RBFOX1: variants seen among roughly 807,000 people sequenced by gnomAD.
The protein encoded by RBFOX1 is RNA binding fox-1 homolog 1.
RBFOX1 carries 8 observed loss-of-function variants against 57.7 expected under a neutral mutation model. The observed-to-expected ratio is 0.14, with a 90% confidence interval of 0.08 to 0.25. The LOEUF is 0.25. Among genes scored for constraint, RBFOX1 ranks in the 10% least tolerant of loss-of-function variants. RBFOX1 has a pLI of 1.00. For missense variants in RBFOX1, 611 were observed against 548.5 expected, an observed-to-expected ratio of 1.11 and a Z score of -1.14; for synonymous variants, 326 against 222.4, an observed-to-expected ratio of 1.47 and a Z score of -4.15.
intron 10 of RBFOX1, among the ~76,000 whole-genome samples, chr16:7,615,641 C>A (rs1361101338): frequency 6.6e-6 from 1 of 151,976 alleles, no homozygotes; most frequent in Non-Finnish European, 1.5e-5. Flanking sequence ...ATTAGTGATT[C>A]TTAATATGGA....
chr16:7,526,778 T>C (rs1241841314), intron 5 of RBFOX1, among the ~76,000 whole-genome samples: 4 of 152,188 alleles, frequency 2.6e-5, no homozygotes, highest in Admixed American at 2.0e-4. Context: ...CCCCACCACG[T>C]ATGAAGTGTT....
In RBFOX1 at chr16:5,641,967, G is replaced by A. The variant is rs1325255423; in HGVS notation, c.318+43006G>A. On this transcript the variant is annotated intron_variant, in intron 3 of 19. Transcript: ENST00000641259. The stretch of plus-strand genomic sequence containing the variant: ...GCAGATTCAGTTTCTACAGGTCTGA[G>A]GTGGGACTCGTGATTCTGGATCTCG... 2.0e-5 allele frequency among the ~76,000 whole-genome samples: 3 copies of A among 152,192 alleles called. No individual in the cohort carries two copies. The South Asian group carries it at 6.2e-4, about 32-fold the overall frequency.
At chr16:7,698,914 AG>A (rs1311777389) in intron 14 of RBFOX1, among the ~76,000 whole-genome samples, 48 of 152,324 alleles carry the variant, frequency 3.2e-4, no homozygotes, top group Non-Finnish European at 6.5e-4. Context: ...AAAGATGTCT[AG>A]ATAGTCTGAA....
Position 5,570,279 on chromosome 16 carries a change from T to A in RBFOX1, c.259-28623T>A, listed in dbSNP as rs543425126. Among the ~76,000 whole-genome samples the A allele has an allele frequency of 3.9e-5, 6 of 152,260 alleles. No individual in the cohort carries two copies. The East Asian group carries it at 9.7e-4, about 25-fold the overall frequency. On this transcript the variant is annotated intron_variant, in intron 2 of 2. Coordinates refer to the RBFOX1 transcript ENST00000585867. ...GGAAGGTATGGGTTCAAATCCTGTT[T>A]TTGTCATTTGCAAGCTGTGTTCCCT...
intron 3 of RBFOX1, among the ~76,000 whole-genome samples, chr16:5,690,852 T>C (rs2050655081): frequency 6.6e-6 from 1 of 152,162 alleles, no homozygotes; most frequent in Non-Finnish European, 1.5e-5. Flanking sequence ...TGTTTTTACA[T>C]GCCCAGTTTT....
chr16:7,140,157 C>CTCTCTCTCTCTCTCT (rs2073295791), intron 4 of RBFOX1, among the ~76,000 whole-genome samples: 5 of 70,888 alleles, frequency 7.1e-5, no homozygotes, highest in African/African-American at 2.4e-4. Context: ...TCCTTCTCTC[C>CTCTCTCTCTCTCTCT]CTCTCTCTCT....
intron 2 of RBFOX1, among the ~76,000 whole-genome samples, chr16:6,636,922 AT>A (rs1404103584): frequency 7.9e-6 from 1 of 125,984 alleles, no homozygotes; most frequent in Non-Finnish European, 1.6e-5. Context: ...ATATGTATAA[AT>A]TATGTATAAA....
intron 4 of RBFOX1, among the ~76,000 whole-genome samples, chr16:7,152,107 G>A (rs575994875): frequency 1.3e-5 from 2 of 152,204 alleles, no homozygotes; most frequent in East Asian, 3.9e-4. Flanking sequence ...CTCACACATG[G>A]GTTCCATATA....
At chr16:6,603,185 T>G (rs1238674602) in intron 2 of RBFOX1, among the ~76,000 whole-genome samples, 1 of 152,180 alleles carries the variant, frequency 6.6e-6, no homozygotes, top group Non-Finnish European at 1.5e-5. Context: ...CAGCATGCCT[T>G]AAGAACAAGA....
chr16:6,651,572 A>T (rs1329371617), intron 2 of RBFOX1, among the ~76,000 whole-genome samples: 1 of 152,204 alleles, frequency 6.6e-6, no homozygotes, highest in African/African-American at 2.4e-5. Context: ...GCCCATGAGG[A>T]TGTGGACAGA....
In RBFOX1 at chr16:6,326,199, ATTCC is replaced by A. The variant is rs1442107890; in HGVS notation, c.-64+9154_-64+9157del. On this transcript the variant is annotated intron_variant, in intron 2 of 15. Transcript: ENST00000550418. ...ACATGCTTATCTTGGTAATGCCATC[ATTCC>A]TTCCTTCCTTCATTCATTGATTCAT... Among the ~76,000 whole-genome samples, 11 of 152,352 alleles carry A rather than the reference ATTCC, an allele frequency of 7.2e-5. No homozygotes were observed. In the East Asian group the frequency reaches 7.7e-4, roughly 11 times the overall value.
chr16:7,027,989 G>A (rs78920558), intron 3 of RBFOX1, among the ~76,000 whole-genome samples: 2,403 of 151,900 alleles, frequency 0.016, 67 homozygotes, highest in African/African-American at 0.055. Flanking sequence ...AAGGACGAAA[G>A]GCAAGAAGGA....
At chr16:5,281,630 A>G (rs1253481753) in intron 1 of RBFOX1, among the ~76,000 whole-genome samples, 1 of 152,186 alleles carries the variant, frequency 6.6e-6, no homozygotes, top group Non-Finnish European at 1.5e-5. Flanking sequence ...ATGCATATTT[A>G]GAATTGTTAT....
At chr16:6,075,842 C>T (rs2095891390) in intron 1 of RBFOX1, among the ~76,000 whole-genome samples, 1 of 152,142 alleles carries the variant, frequency 6.6e-6, no homozygotes, top group Non-Finnish European at 1.5e-5. Flanking sequence ...CAATAATAAC[C>T]ACTGTTTATT....
chr16:5,240,614 G>C (rs1284950937), intron 1 of RBFOX1, among the ~76,000 whole-genome samples: 1 of 152,180 alleles, frequency 6.6e-6, no homozygotes, highest in East Asian at 1.9e-4. Context: ...TTCCCTTTCT[G>C]GTTGGGCAGC....
In RBFOX1 at chr16:6,481,747, C is replaced by G. The variant is rs76623836; in HGVS notation, c.-64+164690C>G. Among the ~76,000 whole-genome samples the G allele has an allele frequency of 5.5e-3, 841 of 152,198 alleles. 32 individuals carry two copies. The East Asian group carries it at 0.12, about 21-fold the overall frequency. The stretch of plus-strand genomic sequence containing the variant: ...AGGGAGTGGAGCATGTTCTTCATGG[C>G]ATCATTATTGTGAAATAAGGTTTTA... On this transcript the variant is annotated intron_variant, in intron 2 of 15. Coordinates refer to ENST00000550418, the MANE Select transcript of RBFOX1 (RefSeq NM_018723.4).
chr16:6,795,428 C>G (rs1016200261), intron 3 of RBFOX1, among the ~76,000 whole-genome samples: 1 of 151,246 alleles, frequency 6.6e-6, no homozygotes, highest in Non-Finnish European at 1.5e-5. Context: ...TAAATTAATT[C>G]CCATTTTTTT....
chr16:6,517,265 C>G (rs1171104008), intron 2 of RBFOX1, among the ~76,000 whole-genome samples: 1 of 152,152 alleles, frequency 6.6e-6, no homozygotes. Flanking sequence ...ACCCACAATT[C>G]TGCATATTCA....
intron 2 of RBFOX1, among the ~76,000 whole-genome samples, chr16:6,457,438 T>TTCCCCCCC (rs757540836): frequency 1.8e-4 from 10 of 54,220 alleles, no homozygotes; most frequent in Admixed American, 4.2e-4. Context: ...TTTCCGGAAG[T>TTCCCCCCC]CCCCCCCCCC....
Sources: gnomAD v4.1 joint callset for allele counts (sites outside exome capture counted in the v4.1 genomes callset) on GRCh38, gnomAD v4.1.1 for gene constraint, MANE v1.5 for transcripts, NCBI Gene and HGNC (gene_info 2026-07-23, HGNC 2026-07-21) for gene names.